Variants in C8orf34 observed in about 807,000 individuals in gnomAD.
C8orf34 encodes the protein chromosome 8 open reading frame 34, also known as uncharacterized protein C8orf34.
C8orf34 carries 65 observed loss-of-function variants against 68.3 expected under a neutral mutation model. The ratio of observed to expected loss-of-function variants is 0.95; its 90% confidence interval spans 0.78 to 1.17. C8orf34 has a LOEUF of 1.17. Among genes scored for constraint, C8orf34 ranks in the 50% most tolerant of loss-of-function variants. C8orf34 has a pLI of 0.00. For synonymous variants in C8orf34, 244 were observed against 241.2 expected (o/e 1.01, Z -0.11); for missense variants, 664 against 655.4 (o/e 1.01, Z -0.14).
intron 1 of C8orf34, among the ~76,000 whole-genome samples, chr8:68,383,964 G>A (rs1012643652): frequency 6.6e-6 from 1 of 152,194 alleles, no homozygotes; most frequent in Admixed American, 6.5e-5. Flanking sequence ...AAACATACAG[G>A]ATTTTGGTAT....
rs141753103 is a variant in C8orf34, at chr8:68,719,150, T to C, written c.1328-2211T>C. On this transcript the variant is annotated intron_variant, in intron 9 of 13. Transcript: ENST00000518698. ...CTGCTCTAAGCATTAAACACTAAGG[T>C]TTTACCTTCATGGTGTCTCTGGTCC... is the stretch of plus-strand genomic sequence containing the variant. 1.0e-3 allele frequency among the ~76,000 whole-genome samples: 154 copies of C among 152,180 alleles called. 1 individual carries two copies. Among genetic ancestry groups the C allele is most frequent in the African/African-American group, 3.6e-3 (150 of 41,542 alleles).
In C8orf34 at chr8:68,565,348, A is replaced by G. The variant is rs576312455; in HGVS notation, c.1105+32199A>G. Among the ~76,000 whole-genome samples the G allele has an allele frequency of 5.3e-4, 80 of 152,286 alleles. 1 individual carries two copies. Among genetic ancestry groups the G allele is most frequent in the African/African-American group, 1.9e-3 (79 of 41,578 alleles). On this transcript the variant is annotated intron_variant, in intron 7 of 13. Coordinates refer to ENST00000518698, the MANE Select transcript of C8orf34 (RefSeq NM_052958.4). Reference sequence around the variant, plus strand: ...CTCACTACATGTTAGGAAGCAAATCAATCCCTCCCGAAGATAAAGCTGCTT... The same window carrying G: ...CTCACTACATGTTAGGAAGCAAATCGATCCCTCCCGAAGATAAAGCTGCTT...
At chr8:68,330,794 GACACACACACACACGCACGCACGC>G (rs998376667), upstream of C8orf34, 17 of 440,130 alleles carry the variant, frequency 3.9e-5, no homozygotes, top group Non-Finnish European at 5.9e-5. Flanking sequence ...CGCGCGCACG[GACACACACACACACGCACGCACGC>G]ACACACACCG....
intron 8 of C8orf34, among the ~76,000 whole-genome samples, chr8:68,679,400 T>C (rs999468285): frequency 6.6e-6 from 1 of 151,970 alleles, no homozygotes; most frequent in Non-Finnish European, 1.5e-5. Context: ...ATAAAAACTA[T>C]AAAACACTGA....
intron 10 of C8orf34, among the ~76,000 whole-genome samples, chr8:68,770,113 C>T (rs1823297575): frequency 6.6e-6 from 1 of 152,188 alleles, no homozygotes; most frequent in Non-Finnish European, 1.5e-5. Context: ...TAGAGATACA[C>T]ATATTTACCA....
At chr8:68,579,372 A>G (rs1272840471) in intron 7 of C8orf34, among the ~76,000 whole-genome samples, 1 of 152,086 alleles carries the variant, frequency 6.6e-6, no homozygotes, top group Admixed American at 6.6e-5. Flanking sequence ...ACCTAACTTA[A>G]TTTTTCTTAT....
intron 1 of C8orf34, among the ~76,000 whole-genome samples, chr8:68,377,296 G>A (rs1807844758): frequency 1.3e-5 from 2 of 152,264 alleles, no homozygotes; most frequent in Middle Eastern, 3.4e-3. Context: ...TATTCAGGGG[G>A]CTGAGGAGAG....
intron 1 of C8orf34, among the ~76,000 whole-genome samples, chr8:68,384,892 T>C (rs1808194627): frequency 6.6e-6 from 1 of 152,202 alleles, no homozygotes; most frequent in Admixed American, 6.5e-5. Flanking sequence ...TGTAGAGTGA[T>C]TCAACCTTTA....
chr8:68,536,659 T>C (rs938935603), intron 7 of C8orf34, among the ~76,000 whole-genome samples: 2 of 152,102 alleles, frequency 1.3e-5, no homozygotes, highest in African/African-American at 4.8e-5. Flanking sequence ...TGGGTATTAC[T>C]ATCCCATACA....
At chr8:68,485,622 G>A (rs1813040987) in intron 4 of C8orf34, among the ~76,000 whole-genome samples, 1 of 151,722 alleles carries the variant, frequency 6.6e-6, no homozygotes, top group Non-Finnish European at 1.5e-5. Flanking sequence ...TGAGGCAGGA[G>A]AATCGTTTGA....
At chr8:68,702,190 A>C (rs1334114756) in intron 8 of C8orf34, among the ~76,000 whole-genome samples, 1 of 152,068 alleles carries the variant, frequency 6.6e-6, no homozygotes, top group Non-Finnish European at 1.5e-5. Flanking sequence ...TTAGCACCTG[A>C]AACAGCTCCA....
At chr8:68,599,895 C>A (rs1285107417) in intron 7 of C8orf34, among the ~76,000 whole-genome samples, 1 of 151,118 alleles carries the variant, frequency 6.6e-6, no homozygotes, top group African/African-American at 2.4e-5. Context: ...CACACACAAA[C>A]ACATACATAC....
At chr8:68,677,594 A>T (rs966613386) in intron 8 of C8orf34, among the ~76,000 whole-genome samples, 1 of 126,272 alleles carries the variant, frequency 7.9e-6, no homozygotes, top group South Asian at 2.9e-4. Context: ...TGGGCTCAAG[A>T]GATCCACCTG....
chr8:68,372,540 G>A (rs765920289), intron 1 of C8orf34, among the ~76,000 whole-genome samples: 2 of 152,128 alleles, frequency 1.3e-5, no homozygotes, highest in Non-Finnish European at 2.9e-5. Context: ...AAGCAATCAA[G>A]AGGGAGTAAG....
chr8:68,400,412 T>C (rs530855788), intron 1 of C8orf34, among the ~76,000 whole-genome samples: 1 of 147,500 alleles, frequency 6.8e-6, no homozygotes, highest in Non-Finnish European at 1.5e-5. Flanking sequence ...GCACTATTTA[T>C]TGCAAAGTTC....
chr8:68,366,508 C>G (rs918048636), intron 1 of C8orf34, among the ~76,000 whole-genome samples: 1 of 149,668 alleles, frequency 6.7e-6, no homozygotes, highest in Non-Finnish European at 1.5e-5. Flanking sequence ...TACTACAAGG[C>G]TACAGTAACC....
intron 1 of C8orf34, among the ~76,000 whole-genome samples, chr8:68,390,197 T>G (rs1808424250): frequency 6.6e-6 from 1 of 152,124 alleles, no homozygotes. Context: ...CTGAAGGACG[T>G]GAGGGCCCCT....
At chr8:68,658,884 T>TG (rs1341584888) in intron 8 of C8orf34, among the ~76,000 whole-genome samples, 6 of 152,318 alleles carry the variant, frequency 3.9e-5, no homozygotes, top group Non-Finnish European at 7.4e-5. Context: ...TAAAATATAT[T>TG]GCTTTAAAGT....
chr8:68,529,655 C>G (rs1815162451), intron 6 of C8orf34, among the ~76,000 whole-genome samples: 2 of 152,068 alleles, frequency 1.3e-5, no homozygotes, highest in Non-Finnish European at 2.9e-5. Context: ...CATCCAGCCT[C>G]AAGGATTCTA....
Sources: gnomAD v4.1 joint callset for allele counts (sites outside exome capture counted in the v4.1 genomes callset) on GRCh38, gnomAD v4.1.1 for gene constraint, MANE v1.5 for transcripts, NCBI Gene and HGNC (gene_info 2026-07-23, HGNC 2026-07-21) for gene names.